Variants in WWP2 observed in about 807,000 individuals in gnomAD.
WWP2 encodes the protein WW domain containing E3 ubiquitin protein ligase 2.
A neutral mutation model predicts 121.0 loss-of-function variants in WWP2; 57 were observed. The ratio of observed to expected loss-of-function variants is 0.47; its 90% CI spans 0.38 to 0.59. WWP2 has a LOEUF of 0.59. WWP2 is among the 20% of genes least tolerant of loss of function. WWP2 has a pLI of 0.00. For synonymous variants in WWP2, 449 were observed against 441.3 expected, an observed-to-expected ratio of 1.02 and a Z score of -0.22; for missense variants, 962 against 1,158.9, an observed-to-expected ratio of 0.83 and a Z score of 2.47.
intron 4 of WWP2, among the ~76,000 whole-genome samples, chr16:69,809,232 C>A (rs1382107032): frequency 2.0e-5 from 3 of 152,146 alleles, no homozygotes; most frequent in Admixed American, 6.5e-5. Context: ...AAAAACAAAT[C>A]TTCTAGGATG....
At chr16:69,843,548 G>A (rs556613157) in intron 6 of WWP2, among the ~76,000 whole-genome samples, 3 of 152,116 alleles carry the variant, frequency 2.0e-5, no homozygotes, top group Non-Finnish European at 4.4e-5. Flanking sequence ...CTTGCGGAAA[G>A]TAGGTGAGTA....
At chr16:69,767,076 TG>T in intron 1 of WWP2, among the ~76,000 whole-genome samples, 1 of 150,948 alleles carries the variant, frequency 6.6e-6, no homozygotes, top group East Asian at 2.0e-4. Flanking sequence ...CACAAGCTAA[TG>T]GGTTTCTTTT....
chr16:69,931,404 A>G (rs8051544), intron 14 of WWP2, 105 bp from the exon 15 acceptor site: 8 of 1,517,818 alleles, frequency 5.3e-6, no homozygotes, highest in Non-Finnish European at 4.5e-6. Context: ...GGCACATGCT[A>G]TTGCCTCCTG....
At chr16:69,839,289 C>T (rs1043012559) in intron 4 of WWP2, among the ~76,000 whole-genome samples, 14 of 152,210 alleles carry the variant, frequency 9.2e-5, no homozygotes, top group Non-Finnish European at 1.5e-5. Context: ...AAGGCCATAG[C>T]TCCTGGCTGG....
At chr16:69,868,818 G>T (rs2057578441) in intron 6 of WWP2, among the ~76,000 whole-genome samples, 1 of 152,130 alleles carries the variant, frequency 6.6e-6, no homozygotes, top group South Asian at 2.1e-4. Context: ...AAATGCTTAA[G>T]GTGAACATTT....
chr16:69,866,923 C>T (rs557392316), intron 6 of WWP2, among the ~76,000 whole-genome samples: 12 of 152,062 alleles, frequency 7.9e-5, no homozygotes, highest in South Asian at 4.1e-4. Flanking sequence ...CTGAAACCTC[C>T]GCCTCCTGGA....
intron 8 of WWP2, among the ~76,000 whole-genome samples, chr16:69,893,558 TTTG>T (rs202198115): frequency 0.034 from 5,194 of 151,968 alleles, 251 homozygotes; most frequent in African/African-American, 0.11. Context: ...TGCTGTTTTT[TTTG>T]TTTGTTTGTT....
chr16:69,829,770 A>G (rs1014904704), intron 4 of WWP2, among the ~76,000 whole-genome samples: 7 of 152,082 alleles, frequency 4.6e-5, no homozygotes, highest in African/African-American at 1.7e-4. Flanking sequence ...CACTGAATTA[A>G]TTGTAACGTT....
chr16:69,881,158 C>T (rs184205282), intron 7 of WWP2, among the ~76,000 whole-genome samples: 158 of 152,310 alleles, frequency 1.0e-3, no homozygotes, highest in Middle Eastern at 6.8e-3. Context: ...ACCCCACTTT[C>T]CCTCCTTGGT....
chr16:69,806,012 C>G (rs1011794908), intron 4 of WWP2, among the ~76,000 whole-genome samples: 7 of 151,792 alleles, frequency 4.6e-5, no homozygotes, highest in Non-Finnish European at 1.0e-4. Flanking sequence ...GACAGGGAAA[C>G]ATAGCAAGAC....
intron 2 of WWP2, among the ~76,000 whole-genome samples, chr16:69,790,099 T>C (rs987058393): frequency 1.3e-5 from 2 of 152,026 alleles, no homozygotes; most frequent in African/African-American, 2.4e-5. Context: ...ACAAAAAAAT[T>C]AGCCAGGCGT....
intron 2 of WWP2, among the ~76,000 whole-genome samples, chr16:69,789,514 C>A (rs147152913): frequency 2.6e-4 from 39 of 152,306 alleles, no homozygotes; most frequent in African/African-American, 9.1e-4. Context: ...GGGCGTGAGC[C>A]ACCGTGCCCA....
At chr16:69,826,957 G>C (rs12920411) in intron 4 of WWP2, among the ~76,000 whole-genome samples, 39,849 of 78,356 alleles carry the variant, frequency 0.51, 8,688 homozygotes, top group Non-Finnish European at 0.61. Flanking sequence ...AAAAAAAAGG[G>C]GGGGGGGCGG....
chr16:69,837,429 A>G (rs1215226973), intron 4 of WWP2, among the ~76,000 whole-genome samples: 1 of 152,226 alleles, frequency 6.6e-6, no homozygotes, highest in African/African-American at 2.4e-5. Context: ...TGAGCCTTCA[A>G]ATATATAATG....
intron 7 of WWP2, among the ~76,000 whole-genome samples, chr16:69,886,315 A>C (rs1355663389): frequency 2.6e-5 from 4 of 152,320 alleles, no homozygotes; most frequent in Non-Finnish European, 5.9e-5. Context: ...GGGCTCAAGC[A>C]ATCCTCCTGC....
intron 6 of WWP2, among the ~76,000 whole-genome samples, chr16:69,856,973 C>A (rs752967912): frequency 6.6e-6 from 1 of 152,006 alleles, no homozygotes; most frequent in Non-Finnish European, 1.5e-5. Flanking sequence ...TTTTAAAAAA[C>A]CATATGATTT....
rs902128999 is a variant in WWP2 at position 69,934,793 on chromosome 16, C to G, written c.1842+664C>G. On this transcript the variant is annotated intron_variant, in intron 17 of 23. Coordinates refer to ENST00000359154, the MANE Select transcript of WWP2 (RefSeq NM_001270454.2). ...CTACAGGGCAGCCACTGAGAAAGCT[C>G]TGGTTTCTCCAGAACTATCTCCAGC... 7.6e-4 allele frequency among the ~76,000 whole-genome samples: 115 copies of G among 152,164 alleles called. 1 individual carries two copies. Among genetic ancestry groups the G allele is most frequent in the African/African-American group, 2.6e-3 (106 of 41,560 alleles).
intron 1 of WWP2, among the ~76,000 whole-genome samples, chr16:69,762,629 C>A (rs900921146): frequency 2.0e-5 from 3 of 151,926 alleles, no homozygotes; most frequent in African/African-American, 7.2e-5. Flanking sequence ...AAATGGGTGC[C>A]CCGGCCGCCA....
chr16:69,939,230 G>A, intron 22 of WWP2, 107 bp downstream of exon 22: 1 of 1,558,454 alleles, frequency 6.4e-7, no homozygotes. Flanking sequence ...ATGGAGAAGA[G>A]CTGTGGCCTC....
Sources: allele counts gnomAD v4.1 joint callset (sites outside exome capture counted in the v4.1 genomes callset), GRCh38; gene constraint gnomAD v4.1.1; transcripts MANE v1.5; gene names NCBI Gene and HGNC (gene_info 2026-07-23, HGNC 2026-07-21).